ARID5B: variants seen among roughly 807,000 people sequenced by gnomAD.
The protein encoded by ARID5B is AT-rich interactive domain-containing protein 5B.
In ARID5B, 13 loss-of-function variants were observed where a neutral mutation model predicts 97.2. The ratio of observed to expected loss-of-function variants is 0.13; its 90% confidence interval spans 0.09 to 0.21. The LOEUF (loss-of-function observed/expected upper bound fraction) is 0.21. Among genes scored for constraint, ARID5B ranks in the 10% least tolerant of loss-of-function variants. ARID5B has a pLI of 1.00. For missense variants in ARID5B, 1,210 were observed against 1,465.3 expected, an observed-to-expected ratio of 0.83 and a Z score of 2.84; for synonymous variants, 556 against 570.3, an observed-to-expected ratio of 0.97 and a Z score of 0.36.
intron 2 of ARID5B, among the ~76,000 whole-genome samples, chr10:61,935,995 A>C (rs554577175): frequency 2.6e-5 from 4 of 152,348 alleles, no homozygotes; most frequent in African/African-American, 9.6e-5. Context: ...ATGAGAGTGA[A>C]AAAAGCCAGT....
chr10:61,940,061 C>T (rs1844372771), intron 2 of ARID5B, 122 bp from the exon 3 acceptor site: 2 of 763,038 alleles, frequency 2.6e-6, no homozygotes, highest in Admixed American at 2.3e-5. Flanking sequence ...AGAATGCACA[C>T]AGTCTCCTTG....
intron 3 of ARID5B, among the ~76,000 whole-genome samples, chr10:61,966,443 T>C (rs1345097599): frequency 1.3e-5 from 2 of 152,184 alleles, no homozygotes; most frequent in Admixed American, 1.3e-4. Flanking sequence ...AAAAATTCAA[T>C]CTAATTTTAT....
chr10:61,967,242 G>T (rs2132828766), intron 3 of ARID5B, among the ~76,000 whole-genome samples: 1 of 152,250 alleles, frequency 6.6e-6, no homozygotes, highest in African/African-American at 2.4e-5. Context: ...AAACAAATAT[G>T]AACCACTCTT....
chr10:61,996,839 TGG>T (rs368492697), intron 3 of ARID5B, among the ~76,000 whole-genome samples: 1 of 151,124 alleles, frequency 6.6e-6, no homozygotes, highest in Non-Finnish European at 1.5e-5. Context: ...TTCTATGTAC[TGG>T]GGGGTTAGGA....
At chr10:61,915,156 T>C (rs1843879358) in intron 2 of ARID5B, among the ~76,000 whole-genome samples, 1 of 152,178 alleles carries the variant, frequency 6.6e-6, no homozygotes, top group Admixed American at 6.5e-5. Flanking sequence ...ACATAGCGCC[T>C]TTCTCACATT....
chr10:62,082,039 C>A (rs1399084300), intron 8 of ARID5B, among the ~76,000 whole-genome samples: 1 of 151,340 alleles, frequency 6.6e-6, no homozygotes, highest in Non-Finnish European at 1.5e-5. Context: ...GGGAAAAAAT[C>A]TTGCTTTTCA....
At chr10:61,992,334 T>C (rs1838937898) in intron 3 of ARID5B, among the ~76,000 whole-genome samples, 1 of 152,218 alleles carries the variant, frequency 6.6e-6, no homozygotes, top group Admixed American at 6.5e-5. Context: ...GAGGTGGAGT[T>C]GGCTTTCTTC....
chr10:61,908,825 A>T (rs1408606654), intron 2 of ARID5B, among the ~76,000 whole-genome samples: 1 of 150,088 alleles, frequency 6.7e-6, no homozygotes, highest in African/African-American at 2.4e-5. Context: ...AAAAAAAAGA[A>T]GAAGAAGAAT....
chr10:62,093,084 T>TA lies in ARID5B; in HGVS notation c.*55dup. The TA allele has an allele frequency of 1.9e-6, 3 of 1,540,550 alleles. No homozygotes were observed. The highest frequency in any genetic ancestry group is 2.6e-6 in the Non-Finnish European group (3 of 1,152,342). Reference sequence around the variant, plus strand: ...GCATGGCCAACAGAGCTTCACTCCTTACCCAGGAGTGCTGGCTTATAGAGT... The same window carrying TA: ...GCATGGCCAACAGAGCTTCACTCCTTAACCCAGGAGTGCTGGCTTATAGAGT... On this transcript the variant is annotated 3_prime_UTR_variant, in exon 10 of 10. Coordinates refer to ENST00000279873, the MANE Select transcript of ARID5B (RefSeq NM_032199.3).
At chr10:61,962,164 A>G (rs527444303) in intron 3 of ARID5B, among the ~76,000 whole-genome samples, 1 of 152,356 alleles carries the variant, frequency 6.6e-6, no homozygotes, top group East Asian at 1.9e-4. Flanking sequence ...GTCCTGGGTA[A>G]AATGAGCTTC....
intron 2 of ARID5B, among the ~76,000 whole-genome samples, chr10:61,939,652 C>A (rs972964372): frequency 6.6e-6 from 1 of 152,120 alleles, no homozygotes; most frequent in African/African-American, 2.4e-5. Context: ...GATTACATCA[C>A]AGTTTTATTT....
chr10:62,095,257 G>C lies in ARID5B; in HGVS notation c.*2227G>C, dbSNP rs763230646. ...TGCTAGCCAGGACACATATAAGAAA[G>C]TTGCACTAGATTGAATGGTCACAGA... On this transcript the variant is annotated 3_prime_UTR_variant, in exon 10 of 10. Coordinates refer to ENST00000279873, the MANE Select transcript of ARID5B (RefSeq NM_032199.3). 30 of 233,094 alleles carry C rather than the reference G, an allele frequency of 1.3e-4. No individual in the cohort carries two copies. Among genetic ancestry groups the C allele is most frequent in the Non-Finnish European group, 2.4e-4 (28 of 117,844 alleles). The allele number at this position is 233,094 out of a possible 1,614,324, so 14.4% of individuals were successfully genotyped here. A position where few individuals can be genotyped will look rare whatever the true frequency, so the allele number is the denominator to read the frequency against.
At chr10:62,061,824 G>C (rs144596976) in intron 7 of ARID5B, among the ~76,000 whole-genome samples, 174 of 152,288 alleles carry the variant, frequency 1.1e-3, no homozygotes, top group Non-Finnish European at 2.1e-3. Context: ...TGCCAACGTG[G>C]CATAATTTAG....
At chr10:61,911,532 G>A (rs569991862) in intron 2 of ARID5B, among the ~76,000 whole-genome samples, 1 of 152,272 alleles carries the variant, frequency 6.6e-6, no homozygotes, top group South Asian at 2.1e-4. Flanking sequence ...ATACATAATT[G>A]AAATGTTTTT....
At chr10:61,962,980 C>T (rs550918705) in intron 3 of ARID5B, among the ~76,000 whole-genome samples, 14 of 152,202 alleles carry the variant, frequency 9.2e-5, no homozygotes, top group Non-Finnish European at 1.5e-4. Context: ...GCCGTGTTCG[C>T]AGCCCTACAG....
chr10:62,084,508 TTGA>T (rs1297101183), intron 8 of ARID5B, among the ~76,000 whole-genome samples: 1 of 152,242 alleles, frequency 6.6e-6, no homozygotes, highest in African/African-American at 2.4e-5. Context: ...ATTTTCTTCA[TTGA>T]GTCAACTTGT....
At position 62,093,216 on chromosome 10, in the gene ARID5B, AACTG is replaced by A. The variant is rs1447528445; in HGVS notation, c.*191_*194del. Reference sequence around the variant, plus strand: ...TTTTGTGGGACAACTCTAGCCCACAAACTGACTGGCTGGTGAGTCTTGACTCCCT... The same window carrying A: ...TTTTGTGGGACAACTCTAGCCCACAAACTGGCTGGTGAGTCTTGACTCCCT... On this transcript the variant is annotated 3_prime_UTR_variant, in exon 10 of 10. Transcript: ENST00000279873. 1 of 808,460 alleles carries A rather than the reference AACTG, an allele frequency of 1.2e-6. No individual in the cohort carries two copies. Among genetic ancestry groups the A allele is most frequent in the Non-Finnish European group, 1.8e-6 (1 of 541,648 alleles). The allele number at this position is 808,460 out of a possible 1,614,324, so 50.1% of individuals were successfully genotyped here. A position where few individuals can be genotyped will look rare whatever the true frequency, so the allele number is the denominator to read the frequency against.
At chr10:62,061,512 C>G (rs565229170) in intron 7 of ARID5B, among the ~76,000 whole-genome samples, 8 of 152,168 alleles carry the variant, frequency 5.3e-5, no homozygotes, top group Non-Finnish European at 1.2e-4. Flanking sequence ...GAGGAAAGTC[C>G]TCCGATGCTA....
chr10:62,047,969 G>A (rs1229890863), intron 4 of ARID5B, among the ~76,000 whole-genome samples: 2 of 152,072 alleles, frequency 1.3e-5, no homozygotes, highest in Non-Finnish European at 2.9e-5. Flanking sequence ...TGCTCTTCAG[G>A]GTGTTTGTGC....
Sources: allele counts gnomAD v4.1 joint callset (sites outside exome capture counted in the v4.1 genomes callset), GRCh38; gene constraint gnomAD v4.1.1; transcripts MANE v1.5; gene names NCBI Gene and HGNC (gene_info 2026-07-23, HGNC 2026-07-21).